The following MALRD1 variants were observed in gnomAD, a reference collection of about 807,000 sequenced individuals.
MALRD1 encodes the protein MAM and LDL-receptor class A domain-containing protein 1.
A neutral mutation model predicts 242.1 loss-of-function variants in MALRD1; 247 were observed. The ratio of observed to expected loss-of-function variants is 1.02; its 90% CI spans 0.92 to 1.13. The LOEUF (loss-of-function observed/expected upper bound fraction) is 1.13. MALRD1 is among the 50% of genes most tolerant of loss of function. The pLI, the probability that MALRD1 is intolerant of heterozygous loss-of-function variation, is 0.00. For synonymous variants in MALRD1, 995 were observed against 866.6 expected, an observed-to-expected ratio of 1.15 and a Z score of -2.60; for missense variants, 2,989 against 2,533.1, an observed-to-expected ratio of 1.18 and a Z score of -3.86.
At chr10:19,153,750 G>A (rs376296517) in intron 11 of MALRD1, among the ~76,000 whole-genome samples, 3 of 151,274 alleles carry the variant, frequency 2.0e-5, no homozygotes, top group East Asian at 3.9e-4. Context: ...TACATATCTC[G>A]CTAGATTTTC....
intron 18 of MALRD1, among the ~76,000 whole-genome samples, chr10:19,232,374 C>T (rs2131700582): frequency 6.6e-6 from 1 of 150,440 alleles, no homozygotes; most frequent in African/African-American, 2.4e-5. Flanking sequence ...GATGGGGTTT[C>T]AGCATGTGGG....
chr10:19,387,467 T>A, intron 26 of MALRD1, 61 bp from the exon 27 acceptor site: 2 of 1,495,750 alleles, frequency 1.3e-6, no homozygotes. Context: ...TACTGCTTTT[T>A]GACCTCACTG....
At chr10:19,516,012 C>A (rs1184573906) in intron 31 of MALRD1, among the ~76,000 whole-genome samples, 14 of 152,194 alleles carry the variant, frequency 9.2e-5, no homozygotes. Flanking sequence ...AGACGTTAAA[C>A]AACTAGCTAT....
At chr10:19,487,278 C>T (rs1837275395) in intron 29 of MALRD1, among the ~76,000 whole-genome samples, 1 of 151,902 alleles carries the variant, frequency 6.6e-6, no homozygotes, top group African/African-American at 2.4e-5. Context: ...TGGCTAAACA[C>T]ATGCAAAACA....
At chr10:19,099,366 A>G (rs1836165567) in intron 4 of MALRD1, among the ~76,000 whole-genome samples, 1 of 152,206 alleles carries the variant, frequency 6.6e-6, no homozygotes, top group Non-Finnish European at 1.5e-5. Context: ...AGTATTATCC[A>G]TCGGTCATCA....
intron 19 of MALRD1, among the ~76,000 whole-genome samples, chr10:19,277,918 A>G (rs979385591): frequency 2.0e-5 from 3 of 152,190 alleles, no homozygotes; most frequent in African/African-American, 4.8e-5. Flanking sequence ...GGATTAAAGA[A>G]AGAGGTTAAC....
At chr10:19,491,343 T>C (rs1564386896) in intron 29 of MALRD1, 174 bp from the exon 30 acceptor site, 1 of 783,744 alleles carries the variant, frequency 1.3e-6, no homozygotes, top group South Asian at 1.6e-5. Context: ...TATAACTTGC[T>C]GAACCATTGA....
At chr10:19,544,036 C>A (rs772749460) in intron 32 of MALRD1, among the ~76,000 whole-genome samples, 35 of 151,962 alleles carry the variant, frequency 2.3e-4, no homozygotes, top group Admixed American at 3.3e-4. Context: ...TTTTTTCACA[C>A]AATCTGAGCT....
chr10:19,733,936 G>A (rs755283704), intron 39 of MALRD1, among the ~76,000 whole-genome samples: 20 of 151,968 alleles, frequency 1.3e-4, no homozygotes, highest in Non-Finnish European at 2.5e-4. Context: ...TGAGGCAGTG[G>A]TGCCTAAGTC....
intron 33 of MALRD1, among the ~76,000 whole-genome samples, chr10:19,592,038 C>G (rs1837815703): frequency 6.6e-6 from 1 of 152,150 alleles, no homozygotes; most frequent in South Asian, 2.1e-4. Context: ...CTGTAGGAAG[C>G]AAAGTCATGT....
In MALRD1 at chr10:19,579,836, A is replaced by T. The variant is rs372889657; in HGVS notation, c.5680+12133A>T. ...ATGTGAACATTGAATTAAAAGAGGA[A>T]TGTATTTAATAATACTGGGCCTAAA... On this transcript the variant is annotated intron_variant, in intron 33 of 39. Coordinates refer to ENST00000454679, the MANE Select transcript of MALRD1 (RefSeq NM_001142308.3). Among the ~76,000 whole-genome samples, 7 of 152,318 alleles carry T rather than the reference A, an allele frequency of 4.6e-5. No individual in the cohort carries two copies. The East Asian group carries it at 1.3e-3, about 29-fold the overall frequency.
At chr10:19,330,089 G>T (rs549709622) in intron 23 of MALRD1, among the ~76,000 whole-genome samples, 2 of 152,072 alleles carry the variant, frequency 1.3e-5, no homozygotes, top group African/African-American at 4.8e-5. Flanking sequence ...GAAAGTCATA[G>T]TCCTTATTAT....
chr10:19,282,867 A>G (rs1307386305), intron 20 of MALRD1, among the ~76,000 whole-genome samples, 152 bp from the exon 21 acceptor site: 1 of 152,210 alleles, frequency 6.6e-6, no homozygotes, highest in Non-Finnish European at 1.5e-5. Context: ...AAACTCTTCC[A>G]GTGATTTTAC....
In MALRD1 at chr10:19,182,928, T is replaced by C. The variant is rs935492021; in HGVS notation, c.1951+7600T>C. ...TAATTATTTCTTTAATCACAGTACA[T>C]TTTATAATCTGAAATGTATTAAATT... is the stretch of plus-strand genomic sequence containing the variant. On this transcript the variant is annotated intron_variant, in intron 14 of 39. Coordinates refer to ENST00000454679, the MANE Select transcript of MALRD1 (RefSeq NM_001142308.3). 2.6e-4 allele frequency among the ~76,000 whole-genome samples: 39 copies of C among 152,292 alleles called. 1 individual carries two copies. Among genetic ancestry groups the C allele is most frequent in the South Asian group, 4.1e-4 (2 of 4,830 alleles).
At chr10:19,058,027 C>T (rs563095751) in intron 1 of MALRD1, among the ~76,000 whole-genome samples, 4 of 152,286 alleles carry the variant, frequency 2.6e-5, no homozygotes, top group Non-Finnish European at 4.4e-5. Context: ...GATTTGTATA[C>T]AGTACTTACT....
At chr10:19,142,968 T>G (rs1833603129) in intron 10 of MALRD1, among the ~76,000 whole-genome samples, 1 of 152,224 alleles carries the variant, frequency 6.6e-6, no homozygotes, top group Non-Finnish European at 1.5e-5. Context: ...TTCTTTTACG[T>G]GTACAGGAAC....
At chr10:19,640,731 T>G (rs1034198236) in intron 36 of MALRD1, among the ~76,000 whole-genome samples, 4 of 152,180 alleles carry the variant, frequency 2.6e-5, no homozygotes, top group African/African-American at 9.6e-5. Context: ...TAAAATTTCA[T>G]TTTTTGAACT....
At chr10:19,570,512 C>A (rs1320520311) in intron 33 of MALRD1, among the ~76,000 whole-genome samples, 1 of 151,972 alleles carries the variant, frequency 6.6e-6, no homozygotes, top group Non-Finnish European at 1.5e-5. Context: ...TTACTAATAT[C>A]CTCTTCCCTG....
intron 38 of MALRD1, 146 bp downstream of exon 38, chr10:19,692,700 C>A (rs1833136373): frequency 6.6e-6 from 4 of 606,656 alleles, no homozygotes; most frequent in Non-Finnish European, 1.1e-5. Flanking sequence ...TTTTTCTGGG[C>A]AGAAAAGAGG....
Sources: gnomAD v4.1 joint callset for allele counts (sites outside exome capture counted in the v4.1 genomes callset) on GRCh38, gnomAD v4.1.1 for gene constraint, MANE v1.5 for transcripts, NCBI Gene and HGNC (gene_info 2026-07-23, HGNC 2026-07-21) for gene names.